Variants in OLFM2 observed in about 807,000 individuals in gnomAD.
OLFM2 encodes olfactomedin 2, also known as noelin-2.
A neutral mutation model predicts 43.9 loss-of-function variants in OLFM2; 20 were observed. The ratio of observed to expected loss-of-function variants is 0.46; its 90% CI spans 0.32 to 0.66. The LOEUF (loss-of-function observed/expected upper bound fraction) is 0.66, where lower values mean the gene tolerates loss of function less well. Among genes scored for constraint, OLFM2 ranks in the 30% least tolerant of loss-of-function variants. The pLI, the probability that OLFM2 is intolerant of heterozygous loss-of-function variation, is 0.04. For synonymous variants in OLFM2, 268 were observed against 278.6 expected (o/e 0.96, Z 0.38); for missense variants, 416 against 643.6 (o/e 0.65, Z 3.83).
At chr19:9,869,485 T>C (rs1308339237) in intron 1 of OLFM2, among the ~76,000 whole-genome samples, 1 of 152,140 alleles carries the variant, frequency 6.6e-6, no homozygotes, top group African/African-American at 2.4e-5. Context: ...GTTTTTTCAT[T>C]TGTACAATGG....
At chr19:9,864,637 G>T (rs1051705853) in intron 1 of OLFM2, among the ~76,000 whole-genome samples, 1 of 149,820 alleles carries the variant, frequency 6.7e-6, no homozygotes, top group Non-Finnish European at 1.5e-5. Context: ...TCTTGCTGTC[G>T]CTCAGGTCTG....
At chr19:9,897,681 T>C (rs1048867649) in intron 1 of OLFM2, among the ~76,000 whole-genome samples, 1 of 151,940 alleles carries the variant, frequency 6.6e-6, no homozygotes, top group Non-Finnish European at 1.5e-5. Flanking sequence ...CCCAAGGGCA[T>C]GAGATGCCAG....
In OLFM2 at chr19:9,860,660, C is replaced by T. The variant is rs751745664; in HGVS notation, c.198G>A (p.Arg66=). 3 of 1,588,758 alleles carry T rather than the reference C, an allele frequency of 1.9e-6. No individual in the cohort carries two copies. Among genetic ancestry groups the T allele is most frequent in the South Asian group, 1.1e-5 (1 of 87,434 alleles). Residue 66 remains arginine, a synonymous_variant, in exon 2 of 6, where the codon CGG becomes CGA. Coordinates refer to ENST00000264833, the MANE Select transcript of OLFM2 (RefSeq NM_058164.4). ...CSRDGRSREL[R]QLMEKVQNVS... is the part of the protein sequence containing the mutation. Reference sequence around the variant, plus strand: ...AGGTTCTCACCTTCTCCATCAGTTGCCGCAGCTCCCGACTCCTGCCATCTC... The same window carrying T: ...AGGTTCTCACCTTCTCCATCAGTTGTCGCAGCTCCCGACTCCTGCCATCTC...
chr19:9,922,183 G>C (rs763282097), intron 1 of OLFM2, among the ~76,000 whole-genome samples: 2 of 151,528 alleles, frequency 1.3e-5, no homozygotes, highest in African/African-American at 2.4e-5. Context: ...CTACAGAGAA[G>C]ATATTTGCAG....
At chr19:9,913,121 C>T (rs1401280058) in intron 1 of OLFM2, among the ~76,000 whole-genome samples, 1 of 152,100 alleles carries the variant, frequency 6.6e-6, no homozygotes, top group Non-Finnish European at 1.5e-5. Context: ...CCGCTGCACC[C>T]CACTCAGCCC....
chr19:9,913,649 G>A (rs1392900005), intron 1 of OLFM2: 45 of 1,205,566 alleles, frequency 3.7e-5, no homozygotes, highest in Non-Finnish European at 6.2e-6. Context: ...GCGGCCGCCC[G>A]CCGCGCGTCC....
Position 9,919,324 on chromosome 19 carries a change from G to A in OLFM2, c.63+16980C>T, listed in dbSNP as rs537193816. Among the ~76,000 whole-genome samples the A allele has an allele frequency of 1.1e-4, 17 of 151,546 alleles. 1 individual carries two copies. Among genetic ancestry groups the A allele is most frequent in the East Asian group, 3.9e-4 (2 of 5,114 alleles). ...TGGGGCTACAGGCGCCTACCACCAC[G>A]CCCGGAGAATTTTTTATATTTTTAG... On this transcript the variant is annotated intron_variant, in intron 1 of 5. Transcript: ENST00000264833.
intron 1 of OLFM2, among the ~76,000 whole-genome samples, chr19:9,871,648 C>T (rs940874700): frequency 1.3e-5 from 2 of 151,986 alleles, no homozygotes; most frequent in Admixed American, 1.3e-4. Context: ...CGAACACAGG[C>T]CATCTGGTTA....
chr19:9,912,529 G>T (rs1363823415), intron 1 of OLFM2, among the ~76,000 whole-genome samples: 1 of 152,142 alleles, frequency 6.6e-6, no homozygotes, highest in Non-Finnish European at 1.5e-5. Flanking sequence ...GCTACCAGAG[G>T]TTGAGGAGTG....
At chr19:9,932,391 C>T (rs2086487601) in intron 1 of OLFM2, among the ~76,000 whole-genome samples, 1 of 149,604 alleles carries the variant, frequency 6.7e-6, no homozygotes, top group South Asian at 2.1e-4. Flanking sequence ...TGAGGCAAAG[C>T]TTGCAGTGAG....
At chr19:9,915,590 TC>T (rs1281009268) in intron 1 of OLFM2, among the ~76,000 whole-genome samples, 1 of 151,988 alleles carries the variant, frequency 6.6e-6, no homozygotes, top group Non-Finnish European at 1.5e-5. Context: ...TGATCTCGGC[TC>T]ACTGCAAGCT....
chr19:9,935,845 T>C (rs964530933), intron 1 of OLFM2, among the ~76,000 whole-genome samples: 2 of 151,566 alleles, frequency 1.3e-5, no homozygotes, highest in East Asian at 3.9e-4. Context: ...TTCACACGCG[T>C]CCCCGTCAGT....
chr19:9,893,026 G>A (rs2046651697), intron 1 of OLFM2, among the ~76,000 whole-genome samples: 1 of 152,094 alleles, frequency 6.6e-6, no homozygotes, highest in South Asian at 2.1e-4. Flanking sequence ...CCAGGACTCG[G>A]ATTTGGTCCT....
chr19:9,863,368 C>T (rs971743624), intron 1 of OLFM2, among the ~76,000 whole-genome samples: 23 of 151,906 alleles, frequency 1.5e-4, no homozygotes, highest in Non-Finnish European at 4.4e-5. Context: ...AGAGGCGAGA[C>T]GTGACCTTAC....
intron 1 of OLFM2, among the ~76,000 whole-genome samples, chr19:9,932,142 T>C (rs1266659036): frequency 6.6e-6 from 1 of 151,870 alleles, no homozygotes; most frequent in Non-Finnish European, 1.5e-5. Context: ...AGAAGAATCA[T>C]AGAAATGTGG....
intron 1 of OLFM2, among the ~76,000 whole-genome samples, chr19:9,886,140 C>T (rs2046585089): frequency 6.6e-6 from 1 of 151,346 alleles, no homozygotes; most frequent in African/African-American, 2.4e-5. Context: ...GTCTCTAGTT[C>T]TGCTTCTCAG....
chr19:9,876,238 G>C (rs918817848), intron 1 of OLFM2, among the ~76,000 whole-genome samples: 2 of 152,172 alleles, frequency 1.3e-5, no homozygotes, highest in East Asian at 3.9e-4. Context: ...GCTTTGGCCG[G>C]GGATGGATTT....
At position 9,867,676 on chromosome 19, in the gene OLFM2, A is replaced by G. The variant is rs147420010; in HGVS notation, c.64-6882T>C. On this transcript the variant is annotated intron_variant, in intron 1 of 5. Transcript: ENST00000264833. Reference sequence around the variant, plus strand: ...TACCATAAGATAGCGCCAATTAAATATGAGAGCGGGGATTAGATATTTTTG... The same window carrying G: ...TACCATAAGATAGCGCCAATTAAATGTGAGAGCGGGGATTAGATATTTTTG... Among the ~76,000 whole-genome samples, 426 of 152,310 alleles carry G rather than the reference A, an allele frequency of 2.8e-3. 1 individual carries two copies. The highest frequency in any genetic ancestry group is 4.2e-3 in the Non-Finnish European group (287 of 68,028).
intron 1 of OLFM2, among the ~76,000 whole-genome samples, chr19:9,923,668 A>C (rs1273546924): frequency 2.1e-5 from 3 of 144,496 alleles, no homozygotes; most frequent in Admixed American, 1.4e-4. Context: ...GAAAAGAAAG[A>C]AAAAAGAAAA....
Sources: allele counts gnomAD v4.1 joint callset (sites outside exome capture counted in the v4.1 genomes callset), GRCh38; gene constraint gnomAD v4.1.1; transcripts MANE v1.5; gene names NCBI Gene and HGNC (gene_info 2026-07-23, HGNC 2026-07-21).